Variants in ITGAM observed in about 807,000 individuals in gnomAD.
ITGAM encodes integrin alpha-M.
In ITGAM, 79 loss-of-function variants were observed where a neutral mutation model predicts 137.5. The observed-to-expected ratio is 0.57, with a 90% confidence interval of 0.48 to 0.69. The LOEUF is 0.69. Ranked by LOEUF, ITGAM falls within the 30% of genes least tolerant of loss-of-function variation. ITGAM has a pLI of 0.00. For missense variants in ITGAM, 1,343 were observed against 1,483.5 expected, an observed-to-expected ratio of 0.91 and a Z score of 1.56; for synonymous variants, 583 against 592.3, an observed-to-expected ratio of 0.98 and a Z score of 0.23.
At position 31,265,518 on chromosome 16, in the gene ITGAM, G is replaced by A. The variant is rs776685510; in HGVS notation, c.238+20G>A. The A allele has an allele frequency of 2.1e-5, 32 of 1,509,996 alleles. No homozygotes were observed. The highest frequency in any genetic ancestry group is 2.9e-5 in the Non-Finnish European group (32 of 1,104,658). The allele number at this position is 1,509,996 out of a possible 1,614,324, so 93.5% of individuals were successfully genotyped here. A position where few individuals can be genotyped will look rare whatever the true frequency, so the allele number is the denominator to read the frequency against. ...TGCAGGGTGAGTCACTGCCCCGCCG[G>A]GCTGGGACTGGGATTCCCCTGTGAA... On this transcript the variant is annotated intron_variant, in intron 3 of 29. Coordinates refer to ENST00000544665, the MANE Select transcript of ITGAM (RefSeq NM_000632.4).
intron 14 of ITGAM, among the ~76,000 whole-genome samples, chr16:31,318,802 A>G (rs1225312993): frequency 1.3e-5 from 2 of 151,812 alleles, no homozygotes; most frequent in African/African-American, 4.8e-5. Flanking sequence ...TGAGGTGTAA[A>G]GTTAGGTTTT....
chr16:31,273,965 G>T (rs980568212), intron 8 of ITGAM, among the ~76,000 whole-genome samples: 6 of 152,230 alleles, frequency 3.9e-5, no homozygotes, highest in African/African-American at 1.4e-4. Context: ...AGGCAGGGGA[G>T]CAAGAGAACA....
intron 12 of ITGAM, among the ~76,000 whole-genome samples, chr16:31,286,180 ATT>A (rs112530890): frequency 3.4e-5 from 5 of 147,234 alleles, no homozygotes; most frequent in African/African-American, 7.4e-5. Flanking sequence ...GATGTGATTC[ATT>A]TTTTTTTTTA....
chr16:31,280,514 T>G (rs1277358968), intron 12 of ITGAM, among the ~76,000 whole-genome samples: 25 of 152,304 alleles, frequency 1.6e-4, no homozygotes, highest in Non-Finnish European at 1.5e-5. Flanking sequence ...GAATGGGAGT[T>G]CACTCATGAT....
chr16:31,265,311 G>T (rs1179835256), intron 2 of ITGAM, 84 bp from the exon 3 acceptor site: 1 of 626,084 alleles, frequency 1.6e-6, no homozygotes, highest in Non-Finnish European at 2.6e-6. Context: ...GGCCCCCACC[G>T]TCCTCTGGGT....
chr16:31,312,297 A>G (rs1397614794), intron 14 of ITGAM, among the ~76,000 whole-genome samples: 1 of 152,250 alleles, frequency 6.6e-6, no homozygotes, highest in Non-Finnish European at 1.5e-5. Context: ...ATAATAAAAA[A>G]GAAAAAGAAA....
At chr16:31,270,901 C>A in intron 5 of ITGAM, 53 bp from the exon 6 acceptor site, 1 of 1,345,930 alleles carries the variant, frequency 7.4e-7, no homozygotes, top group South Asian at 2.3e-5. Context: ...GCAAAAAAAC[C>A]CAAAACACCA....
rs534446004 is a variant in ITGAM, at chr16:31,310,889, C to G, written c.1708-10352C>G. 1.3e-3 allele frequency among the ~76,000 whole-genome samples: 199 copies of G among 152,222 alleles called. 1 individual carries two copies. The highest frequency in any genetic ancestry group is 2.1e-3 in the Non-Finnish European group (143 of 68,014). On this transcript the variant is annotated intron_variant, in intron 14 of 29. Coordinates refer to ENST00000544665, the MANE Select transcript of ITGAM (RefSeq NM_000632.4). ...TGGGTTTTTGGTGTGGATGTCCTTT[C>G]TGTTGTTAGTTTTCCTTCTAACAGT...
At chr16:31,298,458 C>T (rs1484437433) in intron 14 of ITGAM, among the ~76,000 whole-genome samples, 1 of 152,146 alleles carries the variant, frequency 6.6e-6, no homozygotes, top group Admixed American at 6.6e-5. Context: ...ATTATTTCTA[C>T]AGCAATAGGA....
At chr16:31,272,309 G>C (rs747156814) in intron 7 of ITGAM, among the ~76,000 whole-genome samples, 4 of 149,896 alleles carry the variant, frequency 2.7e-5, no homozygotes, top group Non-Finnish European at 4.4e-5. Flanking sequence ...ATTTTGAGGT[G>C]GGTGTAGAGG....
intron 7 of ITGAM, among the ~76,000 whole-genome samples, chr16:31,273,086 G>T (rs1029928612): frequency 6.6e-6 from 1 of 151,940 alleles, no homozygotes; most frequent in Admixed American, 6.6e-5. Flanking sequence ...ATCACTTGAG[G>T]CCAGGAGTTT....
At chr16:31,310,457 G>A (rs947955119) in intron 14 of ITGAM, among the ~76,000 whole-genome samples, 9 of 151,780 alleles carry the variant, frequency 5.9e-5, no homozygotes, top group South Asian at 2.1e-4. Context: ...GTCTTCCATC[G>A]CTGATACCCT....
In ITGAM at chr16:31,262,333, T is replaced by TTCCA. The variant is rs1171870635; in HGVS notation, c.134+540_134+543dup. ...TCCCTCCTTCCCTCCCTTCCCTCCC[T>TTCCA]TCCATCCTTCCTTCCTTCCTTCCTT... is the stretch of plus-strand genomic sequence containing the variant. On this transcript the variant is annotated intron_variant, in intron 2 of 29. Transcript: ENST00000544665. Among the ~76,000 whole-genome samples, 327 of 76,276 alleles carry TTCCA rather than the reference T, an allele frequency of 4.3e-3. 16 individuals carry two copies. Among genetic ancestry groups the TTCCA allele is most frequent in the African/African-American group, 0.018 (270 of 15,376 alleles). 50.0% of individuals were successfully genotyped at this position (76,276 alleles called of 152,430 possible).
chr16:31,323,559 G>A lies in ITGAM; in HGVS notation c.2003-840G>A, dbSNP rs529896743. Reference sequence around the variant, plus strand: ...AACTGCTGAAGACCAAAGACAAAGAGAAAAAAATTTAAAGTAGTCAGAAAA... The same window carrying A: ...AACTGCTGAAGACCAAAGACAAAGAAAAAAAAATTTAAAGTAGTCAGAAAA... On this transcript the variant is annotated intron_variant, in intron 16 of 29. Transcript: ENST00000544665. Among the ~76,000 whole-genome samples, 40 of 152,076 alleles carry A rather than the reference G, an allele frequency of 2.6e-4. 1 individual carries two copies. The South Asian group carries it at 4.8e-3, about 18-fold the overall frequency.
At position 31,278,047 on chromosome 16, in the gene ITGAM, G is replaced by T; in HGVS notation, c.1294G>T (p.Val432Leu). Residue 432 changes from valine (V) to leucine (L), a missense_variant, in exon 12 of 30, where the codon GTA (valine) becomes TTA (leucine). By Grantham distance (32) the Val-to-Leu change is conservative. Transcript: ENST00000544665. ...GAPRYQHIGLVAMFRQNTGMW... is the reference protein window; with the variant it reads ...GAPRYQHIGLLAMFRQNTGMW... ...ACCTCGATATCAGCACATCGGCCTG[G>T]TAGCGATGTTCAGGCAGAACACTGG... 1 of 1,608,180 alleles carries T rather than the reference G, an allele frequency of 6.2e-7. No individual in the cohort carries two copies. The highest frequency in any genetic ancestry group is 8.5e-7 in the Non-Finnish European group (1 of 1,177,426).
intron 4 of ITGAM, 21 bp from the exon 5 acceptor site, chr16:31,266,009 C>T (rs2079762522): frequency 7.5e-6 from 12 of 1,606,156 alleles, no homozygotes; most frequent in Non-Finnish European, 1.0e-5. Context: ...GCAGCCCCTT[C>T]CACTGGCTCC....
intron 1 of ITGAM, among the ~76,000 whole-genome samples, chr16:31,261,173 A>G (rs1409924863): frequency 6.6e-6 from 1 of 151,152 alleles, no homozygotes; most frequent in Non-Finnish European, 1.5e-5. Context: ...GGGAAAGGGA[A>G]TGGAGCAGGA....
intron 14 of ITGAM, among the ~76,000 whole-genome samples, chr16:31,306,894 T>C (rs2080270700): frequency 6.6e-6 from 1 of 152,210 alleles, no homozygotes; most frequent in Non-Finnish European, 1.5e-5. Flanking sequence ...TAGTGTCCAA[T>C]AATATATGAA....
Position 31,331,254 on chromosome 16 carries a change from C to T in ITGAM, c.3366C>T (p.Leu1122=), listed in dbSNP as rs956723938. The part of the protein sequence containing the change: ...SSVGGLLLLA[L]ITAALYKLGF... Reference sequence around the variant, plus strand: ...TCGGGGGACTGCTGCTCCTGGCCCTCATCACCGCCGCGCTGTACAAGGTGC... The same window carrying T: ...TCGGGGGACTGCTGCTCCTGGCCCTTATCACCGCCGCGCTGTACAAGGTGC... Residue 1122 remains leucine, a synonymous_variant, in exon 29 of 30, where the codon CTC becomes CTT. Coordinates refer to ENST00000544665, the MANE Select transcript of ITGAM (RefSeq NM_000632.4). 1.2e-6 allele frequency: 2 copies of T among 1,611,534 alleles called. No individual in the cohort carries two copies. The highest frequency in any genetic ancestry group is 2.7e-5 in the African/African-American group (2 of 74,852).
Sources: gnomAD v4.1 joint callset for allele counts (sites outside exome capture counted in the v4.1 genomes callset) on GRCh38, gnomAD v4.1.1 for gene constraint, MANE v1.5 for transcripts, NCBI Gene and HGNC (gene_info 2026-07-23, HGNC 2026-07-21) for gene names.